The following TPH1 variants were observed in gnomAD, a reference collection of about 807,000 sequenced individuals.
TPH1 encodes the protein tryptophan 5-hydroxylase 1.
A neutral mutation model predicts 49.5 loss-of-function variants in TPH1; 37 were observed. The observed-to-expected ratio is 0.75, with a 90% CI of 0.58 to 0.98. The LOEUF (loss-of-function observed/expected upper bound fraction) is 0.98, where lower values mean the gene tolerates loss of function less well. Ranked by LOEUF, TPH1 falls within the 50% of genes least tolerant of loss-of-function variation. TPH1 has a pLI of 0.00. For synonymous variants in TPH1, 160 were observed against 182.1 expected, an observed-to-expected ratio of 0.88 and a Z score of 0.98; for missense variants, 487 against 523.6, an observed-to-expected ratio of 0.93 and a Z score of 0.68.
chr11:18,023,541 G>A (rs1251706971), intron 9 of TPH1, among the ~76,000 whole-genome samples: 1 of 151,386 alleles, frequency 6.6e-6, no homozygotes, highest in African/African-American at 2.4e-5. Flanking sequence ...ATGTGTGTGT[G>A]TATTACTAAT....
Position 18,031,287 on chromosome 11 carries a change from C to T in TPH1, c.403-1708G>A, listed in dbSNP as rs116222494. On this transcript the variant is annotated intron_variant, in intron 4 of 10. Transcript: ENST00000682019. ...TTCAAGGTTCATCTATGTTGTAGCA[C>T]ATACCAGTATTCCATCTCTTTTTAT... 2.3e-3 allele frequency among the ~76,000 whole-genome samples: 357 copies of T among 152,258 alleles called. 1 individual carries two copies. The highest frequency in any genetic ancestry group is 8.2e-3 in the African/African-American group (341 of 41,524).
chr11:18,025,773 C>A, intron 7 of TPH1, 72 bp from the exon 8 acceptor site: 3 of 1,579,416 alleles, frequency 1.9e-6, no homozygotes, highest in South Asian at 1.1e-5. Context: ...TCAATCAAAT[C>A]GAAATCCAAT....
At chr11:18,034,707 A>G (rs930291721) in intron 3 of TPH1, among the ~76,000 whole-genome samples, 1 of 152,238 alleles carries the variant, frequency 6.6e-6, no homozygotes, top group African/African-American at 2.4e-5. Context: ...AGATTATTTT[A>G]GATTGAGTAC....
intron 6 of TPH1, among the ~76,000 whole-genome samples, chr11:18,027,457 G>A (rs1412746805): frequency 6.6e-6 from 1 of 152,202 alleles, no homozygotes; most frequent in Non-Finnish European, 1.5e-5. Context: ...TGTGACTGAG[G>A]AACCAAACTC....
intron 4 of TPH1, 38 bp downstream of exon 4, chr11:18,033,236 G>A: frequency 1.3e-6 from 2 of 1,519,286 alleles, no homozygotes; most frequent in Admixed American, 3.3e-5. Flanking sequence ...CTGGACAGCA[G>A]AGCAAGACTT....
chr11:18,035,084 C>T (rs1848030677), intron 3 of TPH1, among the ~76,000 whole-genome samples: 1 of 152,262 alleles, frequency 6.6e-6, no homozygotes, highest in African/African-American at 2.4e-5. Context: ...ATCGCCGGGC[C>T]TGCTGCCCAC....
intron 2 of TPH1, among the ~76,000 whole-genome samples, chr11:18,040,074 TATA>T (rs1305361444): frequency 6.7e-6 from 1 of 150,314 alleles, no homozygotes; most frequent in Non-Finnish European, 1.5e-5. Flanking sequence ...ATCTCAAGTA[TATA>T]ATTAATAATA....
intron 10 of TPH1, 46 bp downstream of exon 10, chr11:18,022,752 G>A (rs750294007): frequency 6.2e-7 from 1 of 1,606,244 alleles, no homozygotes; most frequent in South Asian, 1.1e-5. Context: ...TAATGGGGCT[G>A]ATCTTTCCCT....
In TPH1 at chr11:18,020,216, TA is replaced by T. The variant is rs1278979294; in HGVS notation, c.*774del. 1 of 154,578 alleles carries T rather than the reference TA, an allele frequency of 6.5e-6. No individual in the cohort carries two copies. The highest frequency in any genetic ancestry group is 1.4e-5 in the Non-Finnish European group (1 of 69,680). 9.6% of individuals were successfully genotyped at this position (154,578 alleles called of 1,614,324 possible). A position where few individuals can be genotyped will look rare whatever the true frequency, so the allele number is the denominator to read the frequency against. On this transcript the variant is annotated 3_prime_UTR_variant, in exon 11 of 11. Transcript: ENST00000682019. ...CATGAGTAGGATAGATAGTCCAGAA[TA>T]AAACCAGTATCGTGTGATGTCATTG... is the stretch of plus-strand genomic sequence containing the variant.
At chr11:18,037,373 A>T (rs201589812) in intron 2 of TPH1, among the ~76,000 whole-genome samples, 58 of 151,866 alleles carry the variant, frequency 3.8e-4, no homozygotes, top group East Asian at 3.1e-3. Context: ...AAAAAAAAAA[A>T]ATATTATCAG....
chr11:18,022,978 A>T, intron 9 of TPH1, 47 bp from the exon 10 acceptor site: 2 of 1,604,202 alleles, frequency 1.2e-6, no homozygotes, highest in Non-Finnish European at 1.7e-6. Flanking sequence ...TCTATTTTTC[A>T]TAGATCATGC....
At chr11:18,026,654 A>G in intron 6 of TPH1, 29 bp from the exon 7 acceptor site, 1 of 1,613,666 alleles carries the variant, frequency 6.2e-7, no homozygotes, top group Non-Finnish European at 8.5e-7. Flanking sequence ...AACAAAGAAA[A>G]TCTTTACCAG....
At position 18,020,502 on chromosome 11, in the gene TPH1, T is replaced by G. The variant is rs45509495; in HGVS notation, c.*489A>C. The G allele has an allele frequency of 2.4e-3, 392 of 162,680 alleles. 1 individual carries two copies. Among genetic ancestry groups the G allele is most frequent in the Non-Finnish European group, 4.1e-3 (302 of 73,932 alleles). The allele number at this position is 162,680 out of a possible 1,614,324, so 10.1% of individuals were successfully genotyped here. On this transcript the variant is annotated 3_prime_UTR_variant, in exon 11 of 11. Coordinates refer to ENST00000682019, the MANE Select transcript of TPH1 (RefSeq NM_004179.3). ...AGACAGCAGGGTCTCCTGTTAAATTTTAGTGTGAATGTGATTGAGCTTGGC... is the reference window on the plus strand; with the variant it reads ...AGACAGCAGGGTCTCCTGTTAAATTGTAGTGTGAATGTGATTGAGCTTGGC...
intron 1 of TPH1, among the ~76,000 whole-genome samples, chr11:18,043,449 AC>A: frequency 6.6e-6 from 1 of 152,316 alleles, no homozygotes; most frequent in African/African-American, 2.4e-5. Flanking sequence ...TACTAAAAAT[AC>A]AAAAATTAGC....
Position 18,020,949 on chromosome 11 carries a change from C to G in TPH1, c.*42G>C, listed in dbSNP as rs375279437. ...AAGGAAAGCAAGAGATGGCCCAGAC[C>G]TCCGAATTGATGCTCAAATGTTCCT... is the stretch of plus-strand genomic sequence containing the variant. On this transcript the variant is annotated 3_prime_UTR_variant, in exon 11 of 11. Transcript: ENST00000682019. 88 of 1,603,052 alleles carry G rather than the reference C, an allele frequency of 5.5e-5. No homozygotes were observed. The East Asian group carries it at 1.2e-3, about 21-fold the overall frequency.
chr11:18,025,484 C>G, intron 8 of TPH1, 91 bp downstream of exon 8: 3 of 1,583,518 alleles, frequency 1.9e-6, no homozygotes, highest in Non-Finnish European at 2.6e-6. Flanking sequence ...GACAAATTTT[C>G]TAATGGTCAT....
intron 2 of TPH1, among the ~76,000 whole-genome samples, chr11:18,036,700 T>C (rs1013752109): frequency 2.0e-5 from 3 of 152,174 alleles, no homozygotes; most frequent in African/African-American, 7.2e-5. Flanking sequence ...GAGGAGGGTA[T>C]GTTCTCTTAC....
At chr11:18,036,938 T>G (rs780073110) in intron 2 of TPH1, among the ~76,000 whole-genome samples, 45 of 152,168 alleles carry the variant, frequency 3.0e-4, no homozygotes, top group South Asian at 8.3e-4. Context: ...GGTGAACACA[T>G]GGAAGATTAA....
intron 4 of TPH1, 44 bp downstream of exon 4, chr11:18,033,230 A>G (rs10832874): frequency 0.38 from 558,344 of 1,457,192 alleles, 111,775 homozygotes; most frequent in East Asian, 0.48. Context: ...TCCAGTCTGG[A>G]CAGCAGAGCA....
Sources: allele counts gnomAD v4.1 joint callset (sites outside exome capture counted in the v4.1 genomes callset), GRCh38; gene constraint gnomAD v4.1.1; transcripts MANE v1.5; gene names NCBI Gene and HGNC (gene_info 2026-07-23, HGNC 2026-07-21).